MARCHF1: variants seen among roughly 807,000 people sequenced by gnomAD.
MARCHF1 encodes the protein E3 ubiquitin-protein ligase MARCHF1.
Under a neutral mutation model 54.2 loss-of-function variants are expected in MARCHF1, and 40 were observed. The observed-to-expected ratio is 0.74, with a 90% CI of 0.57 to 0.96. The LOEUF is 0.96. MARCHF1 is among the 40% of genes least tolerant of loss of function. The pLI, the probability that MARCHF1 is intolerant of heterozygous loss-of-function variation, is 0.00. For missense variants in MARCHF1, 586 were observed against 656.5 expected (o/e 0.89, Z 1.17); for synonymous variants, 236 against 236.3 (o/e 1.00, Z 0.01).
At chr4:164,002,303 A>G (rs992874101) in intron 2 of MARCHF1, among the ~76,000 whole-genome samples, 1 of 151,762 alleles carries the variant, frequency 6.6e-6, no homozygotes, top group African/African-American at 2.4e-5. Flanking sequence ...TTAGCAGACA[A>G]GCAGTTATAA....
chr4:164,231,629 G>A (rs535063437), intron 1 of MARCHF1, among the ~76,000 whole-genome samples: 2 of 152,120 alleles, frequency 1.3e-5, no homozygotes, highest in Admixed American at 6.6e-5. Flanking sequence ...ATTTTGATAC[G>A]CCATGGAGAA....
chr4:164,195,038 C>T (rs549998781), intron 1 of MARCHF1, among the ~76,000 whole-genome samples: 6 of 151,614 alleles, frequency 4.0e-5, no homozygotes, highest in Non-Finnish European at 7.4e-5. Flanking sequence ...TTTTTCAACT[C>T]GCACTCATGA....
chr4:163,632,170 G>A (rs183182700), intron 5 of MARCHF1, among the ~76,000 whole-genome samples: 2 of 152,154 alleles, frequency 1.3e-5, no homozygotes, highest in Non-Finnish European at 2.9e-5. Context: ...GGAAAATATA[G>A]GTAGAATTAC....
At chr4:164,185,593 C>T (rs888825552) in intron 1 of MARCHF1, among the ~76,000 whole-genome samples, 1 of 152,096 alleles carries the variant, frequency 6.6e-6, no homozygotes, top group East Asian at 1.9e-4. Flanking sequence ...GTTTTCATGA[C>T]ATCTGAGGCT....
At chr4:163,786,090 A>G (rs1747611082) in intron 4 of MARCHF1, among the ~76,000 whole-genome samples, 1 of 151,968 alleles carries the variant, frequency 6.6e-6, no homozygotes, top group African/African-American at 2.4e-5. Flanking sequence ...GCTCTCCCTT[A>G]AAATCTCCAG....
intron 3 of MARCHF1, among the ~76,000 whole-genome samples, chr4:163,943,474 G>T (rs1313156744): frequency 6.6e-6 from 1 of 152,086 alleles, no homozygotes; most frequent in Non-Finnish European, 1.5e-5. Context: ...TGTTAGCTTT[G>T]TTGAAGGTCA....
chr4:163,646,137 C>G (rs1271833113), intron 5 of MARCHF1, among the ~76,000 whole-genome samples: 1 of 152,054 alleles, frequency 6.6e-6, no homozygotes, highest in Non-Finnish European at 1.5e-5. Flanking sequence ...AGATAAGAGA[C>G]TGGTCACATC....
chr4:164,058,130 G>C (rs935882397), intron 2 of MARCHF1, among the ~76,000 whole-genome samples: 1 of 152,066 alleles, frequency 6.6e-6, no homozygotes, highest in African/African-American at 2.4e-5. Context: ...AAGGAGTTGG[G>C]GGCTAGGGGA....
intron 3 of MARCHF1, among the ~76,000 whole-genome samples, chr4:163,883,347 A>ATTTTT (rs11398171): frequency 7.2e-6 from 1 of 138,296 alleles, no homozygotes; most frequent in Non-Finnish European, 1.5e-5. Flanking sequence ...CTACGGATGT[A>ATTTTT]TTTTTTTTTT....
At chr4:164,010,508 T>C (rs1162780558) in intron 2 of MARCHF1, among the ~76,000 whole-genome samples, 1 of 151,998 alleles carries the variant, frequency 6.6e-6, no homozygotes, top group Non-Finnish European at 1.5e-5. Flanking sequence ...AAAAGATACA[T>C]ATATCCCATT....
chr4:164,174,530 T>C (rs1730612552), intron 1 of MARCHF1, among the ~76,000 whole-genome samples: 2 of 152,196 alleles, frequency 1.3e-5, no homozygotes, highest in African/African-American at 4.8e-5. Context: ...TGGTACGAGA[T>C]TAGGAAGGCT....
intron 4 of MARCHF1, among the ~76,000 whole-genome samples, chr4:163,832,368 T>C (rs1749051252): frequency 6.6e-6 from 1 of 152,172 alleles, no homozygotes; most frequent in South Asian, 2.1e-4. Context: ...CAAGCTTCTA[T>C]CGTTTGTATA....
chr4:163,619,791 G>C (rs1741621963), intron 5 of MARCHF1, among the ~76,000 whole-genome samples: 1 of 151,740 alleles, frequency 6.6e-6, no homozygotes. Flanking sequence ...ACCCATCAAA[G>C]TATGAGAAAA....
intron 4 of MARCHF1, among the ~76,000 whole-genome samples, chr4:163,721,114 A>G (rs1045523003): frequency 1.3e-5 from 2 of 152,178 alleles, no homozygotes; most frequent in African/African-American, 4.8e-5. Context: ...GCCGGTTTTC[A>G]AAGGGAATGC....
At chr4:163,642,208 T>C (rs974607178) in intron 5 of MARCHF1, among the ~76,000 whole-genome samples, 1 of 152,218 alleles carries the variant, frequency 6.6e-6, no homozygotes, top group Non-Finnish European at 1.5e-5. Context: ...ATTTTTGCCT[T>C]TCTCTGGAAG....
intron 1 of MARCHF1, among the ~76,000 whole-genome samples, chr4:164,303,083 C>T (rs992527858): frequency 2.6e-5 from 4 of 152,074 alleles, no homozygotes; most frequent in African/African-American, 4.8e-5. Context: ...CTTCCACAGG[C>T]TCACACTGGG....
intron 1 of MARCHF1, among the ~76,000 whole-genome samples, chr4:164,258,441 AT>A (rs1733358511): frequency 6.6e-6 from 1 of 151,182 alleles, no homozygotes; most frequent in African/African-American, 2.4e-5. Context: ...ATAGAAAAAA[AT>A]CTGTGTCCTA....
At chr4:164,000,180 T>C (rs1753159272) in intron 2 of MARCHF1, among the ~76,000 whole-genome samples, 1 of 151,700 alleles carries the variant, frequency 6.6e-6, no homozygotes, top group Non-Finnish European at 1.5e-5. Flanking sequence ...CTATACTACT[T>C]GGCCATTTTC....
At chr4:163,902,199 A>T (rs1750957017) in intron 3 of MARCHF1, among the ~76,000 whole-genome samples, 1 of 152,230 alleles carries the variant, frequency 6.6e-6, no homozygotes, top group Admixed American at 6.5e-5. Context: ...AGCTAATGTC[A>T]AACATACCTT....
Sources: allele counts gnomAD v4.1 joint callset (sites outside exome capture counted in the v4.1 genomes callset), GRCh38; gene constraint gnomAD v4.1.1; transcripts MANE v1.5; gene names NCBI Gene and HGNC (gene_info 2026-07-23, HGNC 2026-07-21).